The following SLC13A3 variants were observed in gnomAD, a reference collection of about 807,000 sequenced individuals.
The protein encoded by SLC13A3 is Na(+)/dicarboxylate cotransporter 3.
SLC13A3 carries 40 observed loss-of-function variants against 59.0 expected under a neutral mutation model. The observed-to-expected ratio is 0.68, with a 90% CI of 0.53 to 0.88. SLC13A3 has a LOEUF of 0.88. Among genes scored for constraint, SLC13A3 ranks in the 40% least tolerant of loss-of-function variants. The pLI is 0.00. For missense variants in SLC13A3, 699 were observed against 783.2 expected (o/e 0.89, Z 1.28); for synonymous variants, 317 against 330.3 (o/e 0.96, Z 0.44).
intron 4 of SLC13A3, among the ~76,000 whole-genome samples, chr20:46,599,084 C>T (rs949080726): frequency 6.6e-6 from 1 of 152,120 alleles, no homozygotes; most frequent in Admixed American, 6.5e-5. Context: ...CTGCTTTGAT[C>T]TCCCTCTGAA....
chr20:46,583,712 A>T (rs780309807), intron 8 of SLC13A3, 43 bp from the exon 9 acceptor site: 4 of 1,611,766 alleles, frequency 2.5e-6, no homozygotes, highest in Middle Eastern at 1.7e-4. Flanking sequence ...TGGGCATCTC[A>T]GCGGGCCGAG....
intron 1 of SLC13A3, among the ~76,000 whole-genome samples, chr20:46,616,850 T>C (rs2062560719): frequency 1.3e-5 from 2 of 152,204 alleles, no homozygotes; most frequent in African/African-American, 4.8e-5. Context: ...GAATATCAGC[T>C]GGGAACAATC....
rs911794072 is a variant in SLC13A3 at position 46,624,294 on chromosome 20, C to T, written c.112-10569G>A. On this transcript the variant is annotated intron_variant, in intron 1 of 12. Coordinates refer to ENST00000279027, the MANE Select transcript of SLC13A3 (RefSeq NM_022829.6). ...ACTATCACCATAATAATACTAATAACAGTCAATACCTATTGAGAATTTGCT... is the reference window on the plus strand; with the variant it reads ...ACTATCACCATAATAATACTAATAATAGTCAATACCTATTGAGAATTTGCT... 1.6e-4 allele frequency among the ~76,000 whole-genome samples: 25 copies of T among 152,308 alleles called. No homozygotes were observed. The South Asian group carries it at 2.9e-3, about 18-fold the overall frequency.
chr20:46,652,748 A>T (rs2062961246), upstream of SLC13A3, among the ~76,000 whole-genome samples: 1 of 151,876 alleles, frequency 6.6e-6, no homozygotes, highest in Non-Finnish European at 1.5e-5. Flanking sequence ...ACTTCTGATT[A>T]TTCTCAGGTA....
intron 1 of SLC13A3, among the ~76,000 whole-genome samples, chr20:46,642,563 C>A (rs2062854906): frequency 6.6e-6 from 1 of 152,202 alleles, no homozygotes; most frequent in South Asian, 2.1e-4. Context: ...TGACTCCTTG[C>A]CCTCTCCCCC....
At chr20:46,583,265 T>G in intron 9 of SLC13A3, 2 of 658,166 alleles carry the variant, frequency 3.0e-6, no homozygotes, top group Non-Finnish European at 3.9e-6. Flanking sequence ...TCACATGTAG[T>G]AAAATGTTTT....
intron 1 of SLC13A3, among the ~76,000 whole-genome samples, chr20:46,669,296 C>A (rs2063078052): frequency 6.6e-6 from 1 of 151,802 alleles, no homozygotes; most frequent in African/African-American, 2.4e-5. Context: ...CCCTGCTTAA[C>A]TTCTTTTAAA....
intron 9 of SLC13A3, among the ~76,000 whole-genome samples, chr20:46,581,964 C>T (rs1216394367): frequency 6.6e-6 from 1 of 152,132 alleles, no homozygotes; most frequent in Non-Finnish European, 1.5e-5. Context: ...GACCCAGTTC[C>T]AGCCTCCCTG....
At chr20:46,641,470 T>C (rs1046706137) in intron 1 of SLC13A3, among the ~76,000 whole-genome samples, 2 of 152,086 alleles carry the variant, frequency 1.3e-5, no homozygotes, top group African/African-American at 4.8e-5. Flanking sequence ...AAGGCTGTTT[T>C]AGAGAGTGAT....
At chr20:46,590,093 G>C (rs376604881) in intron 6 of SLC13A3, among the ~76,000 whole-genome samples, 11 of 152,240 alleles carry the variant, frequency 7.2e-5, no homozygotes, top group East Asian at 3.9e-4. Flanking sequence ...GTAAAATGTT[G>C]TGTGTCCATA....
intron 3 of SLC13A3, among the ~76,000 whole-genome samples, chr20:46,610,178 G>T (rs574653023): frequency 2.6e-5 from 4 of 152,326 alleles, no homozygotes; most frequent in African/African-American, 7.2e-5. Flanking sequence ...TCATAGAGCT[G>T]TTTTGAGAGT....
chr20:46,580,710 A>T (rs202387), intron 9 of SLC13A3, among the ~76,000 whole-genome samples: 24,307 of 151,924 alleles, frequency 0.16, 4,195 homozygotes, highest in African/African-American at 0.43. Flanking sequence ...GATGCCAGTC[A>T]TCTATGTCAT....
chr20:46,574,533 A>G (rs904713282), intron 10 of SLC13A3, among the ~76,000 whole-genome samples: 3 of 151,994 alleles, frequency 2.0e-5, no homozygotes, highest in African/African-American at 7.3e-5. Context: ...CATTTGCCCC[A>G]CCCTGGTCCC....
chr20:46,613,810 A>C, intron 1 of SLC13A3, 85 bp from the exon 2 acceptor site: 1 of 926,846 alleles, frequency 1.1e-6, no homozygotes, highest in Non-Finnish European at 1.5e-6. Flanking sequence ...CAGAGGGGGA[A>C]GGAGGCCTGG....
intron 1 of SLC13A3, among the ~76,000 whole-genome samples, chr20:46,684,187 T>A (rs752219745): frequency 6.6e-6 from 1 of 152,138 alleles, no homozygotes; most frequent in Non-Finnish European, 1.5e-5. Flanking sequence ...TCTCTTCATC[T>A]CCTGTGTTTC....
chr20:46,566,585 T>A, intron 10 of SLC13A3, 195 bp from the exon 11 acceptor site: 1 of 534,234 alleles, frequency 1.9e-6, no homozygotes, highest in Non-Finnish European at 3.2e-6. Context: ...GCAGCCTCTC[T>A]ACTTCTCGAA....
intron 1 of SLC13A3, among the ~76,000 whole-genome samples, chr20:46,634,637 C>T (rs902666255): frequency 6.6e-6 from 1 of 152,108 alleles, no homozygotes; most frequent in African/African-American, 2.4e-5. Context: ...CCTGCGGTGG[C>T]TCACACCCTG....
chr20:46,608,901 C>T (rs1177808825), intron 3 of SLC13A3: 9 of 1,550,652 alleles, frequency 5.8e-6, no homozygotes, highest in Non-Finnish European at 7.0e-6. Context: ...CCATCATATT[C>T]ACATTCCACC....
At chr20:46,669,510 C>T (rs1412515855) in intron 1 of SLC13A3, among the ~76,000 whole-genome samples, 1 of 152,132 alleles carries the variant, frequency 6.6e-6, no homozygotes, top group African/African-American at 2.4e-5. Context: ...ACTCCAAAGT[C>T]TGTGTTGCTA....
Sources: allele counts gnomAD v4.1 joint callset (sites outside exome capture counted in the v4.1 genomes callset), GRCh38; gene constraint gnomAD v4.1.1; transcripts MANE v1.5; gene names NCBI Gene and HGNC (gene_info 2026-07-23, HGNC 2026-07-21).